Variants in VPS13B observed in about 807,000 individuals in gnomAD.
VPS13B encodes intermembrane lipid transfer protein VPS13B.
In VPS13B, 285 loss-of-function variants were observed where a neutral mutation model predicts 426.4. The observed-to-expected ratio is 0.67, with a 90% CI of 0.61 to 0.74. VPS13B has a LOEUF of 0.74. Ranked by LOEUF, VPS13B falls within the 30% of genes least tolerant of loss-of-function variation. The pLI is 0.00. For synonymous variants in VPS13B, 1,676 were observed against 1,676.4 expected (o/e 1.00, Z 0.01); for missense variants, 4,537 against 4,782.6 (o/e 0.95, Z 1.51).
At chr8:99,164,808 C>G (rs1811900664) in intron 15 of VPS13B, among the ~76,000 whole-genome samples, 1 of 152,084 alleles carries the variant, frequency 6.6e-6, no homozygotes, top group South Asian at 2.1e-4. Context: ...GTTTCTGACT[C>G]CCTCTTTGAT....
At chr8:99,714,138 C>CA (rs1166159886) in intron 36 of VPS13B, among the ~76,000 whole-genome samples, 11,112 of 64,712 alleles carry the variant, frequency 0.17, 794 homozygotes, top group African/African-American at 0.25. Flanking sequence ...GACTCTGTCT[C>CA]AAAAAAAAAA....
At chr8:99,401,482 T>C (rs1213158677) in intron 21 of VPS13B, among the ~76,000 whole-genome samples, 2 of 152,318 alleles carry the variant, frequency 1.3e-5, no homozygotes, top group East Asian at 3.9e-4. Context: ...TGTTGTTGAG[T>C]GTTCCTGTTC....
chr8:99,859,411 C>A lies in VPS13B; in HGVS notation c.10975C>A (p.Arg3659=). 1 of 1,614,140 alleles carries A rather than the reference C, an allele frequency of 6.2e-7. No individual in the cohort carries two copies. The highest frequency in any genetic ancestry group is 1.1e-5 in the South Asian group (1 of 91,082). The change falls in exon 57 of 62, where the codon CGG becomes AGG. Residue 3659 remains arginine (R), a synonymous_variant. Coordinates refer to ENST00000357162, the MANE Select transcript of VPS13B (RefSeq NM_152564.5). ...CAGGCTTCCGTATGAGGGGCTGACC[C>A]GGGGCCCTGGAGCCTTCGTGAGTGG... ...FFRLPYEGLT[R]GPGAFVSGVS...
chr8:99,703,008 C>T (rs1003640692), intron 36 of VPS13B, among the ~76,000 whole-genome samples: 3 of 152,024 alleles, frequency 2.0e-5, no homozygotes, highest in Non-Finnish European at 4.4e-5. Context: ...TTTTTATCAT[C>T]TAAACTGTCA....
intron 19 of VPS13B, among the ~76,000 whole-genome samples, chr8:99,333,287 A>G (rs1178508640): frequency 6.6e-6 from 1 of 151,780 alleles, no homozygotes; most frequent in Non-Finnish European, 1.5e-5. Flanking sequence ...GGCCACATAT[A>G]TGGTGATTTT....
chr8:99,758,672 A>G (rs1200086742), intron 39 of VPS13B, among the ~76,000 whole-genome samples: 1 of 151,968 alleles, frequency 6.6e-6, no homozygotes, highest in Non-Finnish European at 1.5e-5. Flanking sequence ...TCTAGTCACC[A>G]CCCAAACTAT....
intron 17 of VPS13B, among the ~76,000 whole-genome samples, chr8:99,199,539 C>G (rs1396691119): frequency 2.6e-5 from 4 of 152,038 alleles, no homozygotes; most frequent in African/African-American, 9.7e-5. Flanking sequence ...ATGCCTCTAG[C>G]CTACCCTCCT....
intron 43 of VPS13B, among the ~76,000 whole-genome samples, chr8:99,803,412 C>A (rs574693805): frequency 6.6e-6 from 1 of 152,188 alleles, no homozygotes; most frequent in African/African-American, 2.4e-5. Flanking sequence ...TTATATCACA[C>A]CCTGAATGAT....
chr8:99,741,818 C>T (rs2130478514), intron 39 of VPS13B, among the ~76,000 whole-genome samples: 1 of 152,124 alleles, frequency 6.6e-6, no homozygotes, highest in African/African-American at 2.4e-5. Context: ...GGGACACATT[C>T]AAAGCAGTGT....
chr8:99,844,711 C>T (rs1033348980), intron 54 of VPS13B, among the ~76,000 whole-genome samples: 1 of 152,264 alleles, frequency 6.6e-6, no homozygotes, highest in East Asian at 1.9e-4. Context: ...TCCCAAAGAC[C>T]CTGCCTTCTA....
chr8:99,587,182 A>G (rs1826347747), intron 33 of VPS13B, among the ~76,000 whole-genome samples: 1 of 152,180 alleles, frequency 6.6e-6, no homozygotes, highest in East Asian at 1.9e-4. Context: ...ATAGTATTCC[A>G]TGGTGTATAT....
chr8:99,507,926 T>G (rs1351828403), intron 28 of VPS13B: 2 of 1,613,990 alleles, frequency 1.2e-6, no homozygotes, highest in Admixed American at 1.7e-5. Context: ...GAAATTACTT[T>G]AAATTATGCT....
At chr8:99,328,154 C>G (rs2133147388) in intron 19 of VPS13B, among the ~76,000 whole-genome samples, 1 of 152,294 alleles carries the variant, frequency 6.6e-6, no homozygotes, top group South Asian at 2.1e-4. Flanking sequence ...CCATTGTGAA[C>G]TGTGCATGCA....
intron 33 of VPS13B, among the ~76,000 whole-genome samples, chr8:99,596,086 C>A (rs7816837): frequency 0.14 from 20,771 of 151,904 alleles, 1,973 homozygotes; most frequent in East Asian, 0.39. Flanking sequence ...ACCTACTGCT[C>A]CAGTGACATT....
intron 19 of VPS13B, among the ~76,000 whole-genome samples, chr8:99,329,761 C>G (rs1206464128): frequency 6.6e-6 from 1 of 151,942 alleles, no homozygotes. Flanking sequence ...ATCATCTTGA[C>G]AGATTCTAGT....
chr8:99,354,622 T>A (rs533752867), intron 19 of VPS13B, among the ~76,000 whole-genome samples: 1 of 152,242 alleles, frequency 6.6e-6, no homozygotes, highest in East Asian at 1.9e-4. Flanking sequence ...TTCTGGTTAT[T>A]TATGGAGATG....
intron 17 of VPS13B, among the ~76,000 whole-genome samples, chr8:99,202,207 A>G (rs1264480597): frequency 1.3e-5 from 2 of 152,230 alleles, no homozygotes; most frequent in East Asian, 3.8e-4. Flanking sequence ...GCCAAGAAAG[A>G]AAATAGGATA....
chr8:99,719,838 A>AGTGTTGG (rs1833067190), intron 37 of VPS13B, among the ~76,000 whole-genome samples: 5 of 152,184 alleles, frequency 3.3e-5, no homozygotes, highest in Admixed American at 2.6e-4. Flanking sequence ...GTCTTACTAA[A>AGTGTTGG]CACAGAAGTT....
chr8:99,057,201 T>C (rs142876180), intron 3 of VPS13B, among the ~76,000 whole-genome samples: 45 of 152,200 alleles, frequency 3.0e-4, no homozygotes, highest in African/African-American at 1.1e-3. Context: ...TTTTTTTTGT[T>C]TCCAGTCTGT....
Sources: gnomAD v4.1 joint callset for allele counts (sites outside exome capture counted in the v4.1 genomes callset) on GRCh38, gnomAD v4.1.1 for gene constraint, MANE v1.5 for transcripts, NCBI Gene and HGNC (gene_info 2026-07-23, HGNC 2026-07-21) for gene names.